The following CUX2 variants were observed in gnomAD, a reference collection of about 807,000 sequenced individuals.
CUX2 encodes the protein homeobox protein cut-like 2.
Under a neutral mutation model 144.8 loss-of-function variants are expected in CUX2, and 40 were observed. The observed-to-expected ratio is 0.28, with a 90% CI of 0.21 to 0.36. The LOEUF is 0.36. Ranked by LOEUF, CUX2 falls within the 10% of genes least tolerant of loss-of-function variation. The pLI, the probability that CUX2 is intolerant of heterozygous loss-of-function variation, is 1.00. For missense variants in CUX2, 1,615 were observed against 1,994.0 expected, an observed-to-expected ratio of 0.81 and a Z score of 3.62; for synonymous variants, 827 against 875.6, an observed-to-expected ratio of 0.94 and a Z score of 0.98.
intron 1 of CUX2, among the ~76,000 whole-genome samples, chr12:111,167,317 A>C (rs1190074888): frequency 6.6e-6 from 1 of 151,718 alleles, no homozygotes; most frequent in Non-Finnish European, 1.5e-5. Context: ...ACACTCCTTG[A>C]CTTGGCTCGA....
rs761941624 is a variant in CUX2 at position 111,263,940 on chromosome 12, G to C, written c.301+101G>C. ...TGAGGTGGGATGTGGGGACATGCCT[G>C]GGCTCCTGGGTGAGGCCAGGCACTC... On this transcript the variant is annotated intron_variant, in intron 4 of 21. Coordinates refer to ENST00000261726, the MANE Select transcript of CUX2 (RefSeq NM_015267.4). This position sits in a 1 kb window ranked among gnomAD's most constrained non-coding sequence, Gnocchi z 4.0. The C allele has an allele frequency of 1.1e-5, 13 of 1,142,686 alleles. No individual in the cohort carries two copies. The highest frequency in any genetic ancestry group is 1.6e-5 in the Non-Finnish European group (12 of 758,956). The allele number at this position is 1,142,686 out of a possible 1,614,324, so 70.8% of individuals were successfully genotyped here. A position where few individuals can be genotyped will look rare whatever the true frequency, so the allele number is the denominator to read the frequency against.
Position 111,064,639 on chromosome 12 carries a change from C to A in CUX2, c.63+30399C>A, listed in dbSNP as rs567701659. 8.5e-5 allele frequency among the ~76,000 whole-genome samples: 13 copies of A among 152,276 alleles called. No individual in the cohort carries two copies. In the South Asian group the frequency reaches 2.3e-3, roughly 27 times the overall value. On this transcript the variant is annotated intron_variant, in intron 1 of 21. Transcript: ENST00000261726. ...AGATTCCCCCAAATCTAGCCATGTA[C>A]CCCAAGTTAAGAGCTCCTACTTTTA... is the stretch of plus-strand genomic sequence containing the variant.
chr12:111,036,584 A>T (rs1304732216), intron 1 of CUX2, among the ~76,000 whole-genome samples: 1 of 151,334 alleles, frequency 6.6e-6, no homozygotes, highest in East Asian at 1.9e-4. Flanking sequence ...TGTTCAGGTG[A>T]TGGGGAGATA....
chr12:111,235,239 G>A (rs1386973288), intron 3 of CUX2, among the ~76,000 whole-genome samples: 1 of 152,106 alleles, frequency 6.6e-6, no homozygotes, highest in Non-Finnish European at 1.5e-5. Context: ...AACACACATG[G>A]GCAGGACACC....
chr12:111,180,666 G>A (rs1879108961), intron 1 of CUX2, among the ~76,000 whole-genome samples: 1 of 152,192 alleles, frequency 6.6e-6, no homozygotes, highest in African/African-American at 2.4e-5. Flanking sequence ...TGGTGGGACT[G>A]AGGCCTCCAG....
chr12:111,346,766 A>G (rs1253943506), intron 21 of CUX2, among the ~76,000 whole-genome samples: 1 of 152,202 alleles, frequency 6.6e-6, no homozygotes, highest in African/African-American at 2.4e-5. Context: ...TGATCCCAGC[A>G]CTTGGGGAGG....
chr12:111,207,380 C>T (rs1051576295), intron 1 of CUX2, among the ~76,000 whole-genome samples: 2 of 152,202 alleles, frequency 1.3e-5, no homozygotes, highest in East Asian at 1.9e-4. Context: ...CAGGCTATAT[C>T]GGGCTTATCA....
At chr12:111,236,263 C>T (rs555360686) in intron 3 of CUX2, among the ~76,000 whole-genome samples, 3 of 152,162 alleles carry the variant, frequency 2.0e-5, no homozygotes, top group African/African-American at 4.8e-5. Flanking sequence ...TCCTCAAACA[C>T]GCTGCAGACC....
At chr12:111,280,243 C>G (rs746921269) in intron 4 of CUX2, among the ~76,000 whole-genome samples, 2 of 152,068 alleles carry the variant, frequency 1.3e-5, no homozygotes, top group South Asian at 2.1e-4. Context: ...GAGCCAAGAT[C>G]GCGCTACCCT....
At chr12:111,044,581 C>G (rs1460740061) in intron 1 of CUX2, among the ~76,000 whole-genome samples, 1 of 152,208 alleles carries the variant, frequency 6.6e-6, no homozygotes, top group African/African-American at 2.4e-5. Flanking sequence ...ACTTCTCTTT[C>G]CAAATCAGCT....
chr12:111,058,482 A>AT (rs1870624445), intron 1 of CUX2, among the ~76,000 whole-genome samples: 1 of 152,148 alleles, frequency 6.6e-6, no homozygotes, highest in Admixed American at 6.5e-5. Context: ...ATCTTGGGAG[A>AT]TTTTTACCTC....
At chr12:111,298,722 G>A in intron 9 of CUX2, 133 bp downstream of exon 9, 1 of 1,014,962 alleles carries the variant, frequency 9.9e-7, no homozygotes, top group East Asian at 2.6e-5. Flanking sequence ...TGCATGCCAA[G>A]TGAGGGAGCC....
At chr12:111,131,873 G>C (rs1265433743) in intron 1 of CUX2, among the ~76,000 whole-genome samples, 2 of 152,202 alleles carry the variant, frequency 1.3e-5, no homozygotes, top group Admixed American at 6.5e-5. Flanking sequence ...CTGGCATCAA[G>C]TATCTACAGC....
chr12:111,324,194 C>CA (rs1236306051), intron 18 of CUX2, among the ~76,000 whole-genome samples: 6 of 151,720 alleles, frequency 4.0e-5, no homozygotes, highest in South Asian at 2.1e-4. Context: ...ACTAAAAATA[C>CA]AAAAAATTAG....
intron 1 of CUX2, among the ~76,000 whole-genome samples, chr12:111,131,182 A>C (rs921428248): frequency 3.9e-5 from 6 of 152,192 alleles, no homozygotes; most frequent in Non-Finnish European, 7.3e-5. Context: ...GGCAAAAGGC[A>C]CTTCTTACAT....
At position 111,168,585 on chromosome 12, in the gene CUX2, G is replaced by A. The variant is rs555968507; in HGVS notation, c.64-45615G>A. Among the ~76,000 whole-genome samples the A allele has an allele frequency of 7.2e-5, 11 of 152,314 alleles. No individual in the cohort carries two copies. The South Asian group carries it at 2.1e-3, about 29-fold the overall frequency. On this transcript the variant is annotated intron_variant, in intron 1 of 21. Coordinates refer to ENST00000261726, the MANE Select transcript of CUX2 (RefSeq NM_015267.4). ...GTTTCCACGTTCCCTAGCTCTGCCT[G>A]ACAACAGAGCGACATTCCTGTGCCA...
At chr12:111,093,507 C>T (rs1029033548) in intron 1 of CUX2, among the ~76,000 whole-genome samples, 2 of 151,954 alleles carry the variant, frequency 1.3e-5, no homozygotes, top group African/African-American at 4.8e-5. Context: ...AAAAAAAAAC[C>T]CACTTTGAGA....
intron 20 of CUX2, among the ~76,000 whole-genome samples, chr12:111,339,946 A>G (rs942384143): frequency 6.6e-6 from 1 of 152,218 alleles, no homozygotes; most frequent in African/African-American, 2.4e-5. Flanking sequence ...CTGTAATCCT[A>G]GCACTTTGGG....
intron 1 of CUX2, among the ~76,000 whole-genome samples, chr12:111,055,685 C>A (rs890234034): frequency 6.6e-6 from 1 of 152,214 alleles, no homozygotes; most frequent in African/African-American, 2.4e-5. Context: ...TCCCCCAGCC[C>A]CCGGAGCTTG....
Sources: allele counts gnomAD v4.1 joint callset (sites outside exome capture counted in the v4.1 genomes callset), GRCh38; gene constraint gnomAD v4.1.1; non-coding constraint Gnocchi (gnomAD v3.1); transcripts MANE v1.5; gene names NCBI Gene and HGNC (gene_info 2026-07-23, HGNC 2026-07-21).